The following TMEM163 variants were observed in gnomAD, a reference collection of about 807,000 sequenced individuals.
The protein encoded by TMEM163 is transmembrane protein 163.
TMEM163 carries 17 observed loss-of-function variants against 29.3 expected under a neutral mutation model. That is an observed-to-expected ratio of 0.58 (90% confidence interval 0.40 to 0.87). The LOEUF is 0.87. Ranked by LOEUF, TMEM163 falls within the 40% of genes least tolerant of loss-of-function variation. The pLI, the probability that TMEM163 is intolerant of heterozygous loss-of-function variation, is 0.00. For synonymous variants in TMEM163, 157 were observed against 160.6 expected (o/e 0.98, Z 0.17); for missense variants, 303 against 381.5 (o/e 0.79, Z 1.71).
intron 2 of TMEM163, among the ~76,000 whole-genome samples, chr2:134,700,491 T>C (rs1364076850): frequency 6.6e-6 from 1 of 152,222 alleles, no homozygotes; most frequent in East Asian, 1.9e-4. Flanking sequence ...TACTATATTT[T>C]TCATTACAAA....
At chr2:134,475,752 G>C (rs1686898675) in intron 5 of TMEM163, among the ~76,000 whole-genome samples, 1 of 151,992 alleles carries the variant, frequency 6.6e-6, no homozygotes, top group South Asian at 2.1e-4. Flanking sequence ...TTGGTCAACA[G>C]GGAAAAGTAC....
intron 5 of TMEM163, among the ~76,000 whole-genome samples, chr2:134,494,482 A>G (rs1473623534): frequency 2.0e-5 from 3 of 152,200 alleles, no homozygotes; most frequent in African/African-American, 4.8e-5. Flanking sequence ...GTTATGCTCA[A>G]GAAGGAACCT....
intron 4 of TMEM163, among the ~76,000 whole-genome samples, chr2:134,531,924 A>G (rs1574213107): frequency 6.6e-6 from 1 of 152,082 alleles, no homozygotes; most frequent in Non-Finnish European, 1.5e-5. Context: ...CAGGTGACCA[A>G]CCCCATCCTG....
chr2:134,645,971 T>A (rs1683326909), intron 2 of TMEM163, among the ~76,000 whole-genome samples: 1 of 152,190 alleles, frequency 6.6e-6, no homozygotes, highest in African/African-American at 2.4e-5. Flanking sequence ...GAAAGTAAAA[T>A]TTTTTTAAAG....
At chr2:134,529,252 G>A (rs747530660) in intron 4 of TMEM163, among the ~76,000 whole-genome samples, 1 of 152,046 alleles carries the variant, frequency 6.6e-6, no homozygotes, top group South Asian at 2.1e-4. Context: ...GATCACTTGC[G>A]CCCATGAGGC....
intron 6 of TMEM163, among the ~76,000 whole-genome samples, chr2:134,464,664 G>A (rs1686623553): frequency 6.6e-6 from 1 of 152,122 alleles, no homozygotes; most frequent in South Asian, 2.1e-4. Flanking sequence ...GAGGAGGAGT[G>A]GGAGCAGGCG....
At chr2:134,481,719 G>A (rs894271792) in intron 5 of TMEM163, among the ~76,000 whole-genome samples, 18 of 152,122 alleles carry the variant, frequency 1.2e-4, no homozygotes, top group Admixed American at 1.1e-3. Flanking sequence ...AAGCTGATGG[G>A]GTCTAATGCT....
intron 2 of TMEM163, among the ~76,000 whole-genome samples, chr2:134,656,576 G>A (rs375580827): frequency 6.6e-6 from 1 of 151,306 alleles, no homozygotes; most frequent in Non-Finnish European, 1.5e-5. Flanking sequence ...TCCTCCCCCC[G>A]CCTTCTATTT....
At chr2:134,553,623 C>G (rs16830788) in intron 2 of TMEM163, among the ~76,000 whole-genome samples, 24,294 of 152,132 alleles carry the variant, frequency 0.16, 4,691 homozygotes, top group African/African-American at 0.46. Flanking sequence ...TATTCAGGTC[C>G]TCAAACTGTG....
chr2:134,580,912 CA>C (rs1041793523), intron 2 of TMEM163, among the ~76,000 whole-genome samples: 5 of 151,748 alleles, frequency 3.3e-5, no homozygotes, highest in African/African-American at 2.4e-5. Flanking sequence ...GACTCTGCCT[CA>C]AAAAAAACCA....
At position 134,509,374 on chromosome 2, in the gene TMEM163, G is replaced by A. The variant is rs553972905; in HGVS notation, c.459-6377C>T. Among the ~76,000 whole-genome samples, 3 of 152,334 alleles carry A rather than the reference G, an allele frequency of 2.0e-5. No homozygotes were observed. The South Asian group carries it at 6.2e-4, about 32-fold the overall frequency. ...TGCCCAAGCCACTCCTCAAGATGGG[G>A]TCAATTTATGTGGACTAACAGGGAC... On this transcript the variant is annotated intron_variant, in intron 4 of 7. Transcript: ENST00000281924.
rs112002332 is a variant in TMEM163, at chr2:134,699,195, G to A, written c.322+14005C>T. Among the ~76,000 whole-genome samples, 32 of 152,234 alleles carry A rather than the reference G, an allele frequency of 2.1e-4. No homozygotes were observed. The East Asian group carries it at 3.3e-3, about 16-fold the overall frequency. On this transcript the variant is annotated intron_variant, in intron 2 of 7. Coordinates refer to ENST00000281924, the MANE Select transcript of TMEM163 (RefSeq NM_030923.5). Reference sequence around the variant, plus strand: ...TTTCTAGTACAAAAAATCACGTAGCGTATTATAATCAAAAGTGTTGTAGAG... The same window carrying A: ...TTTCTAGTACAAAAAATCACGTAGCATATTATAATCAAAAGTGTTGTAGAG...
intron 4 of TMEM163, among the ~76,000 whole-genome samples, chr2:134,541,763 T>G (rs1680674082): frequency 7.7e-6 from 1 of 130,396 alleles, no homozygotes; most frequent in Non-Finnish European, 1.5e-5. Context: ...TACGTGTGTG[T>G]ACACACGTGC....
intron 6 of TMEM163, 128 bp from the exon 7 acceptor site, chr2:134,458,301 G>T: frequency 8.8e-7 from 1 of 1,136,276 alleles, no homozygotes; most frequent in Non-Finnish European, 1.3e-6. Context: ...GCTCTCACGA[G>T]TGATAGCCAC....
At chr2:134,553,307 A>G (rs888411771) in intron 2 of TMEM163, among the ~76,000 whole-genome samples, 7 of 152,084 alleles carry the variant, frequency 4.6e-5, no homozygotes, top group Non-Finnish European at 8.8e-5. Context: ...TGTCCTCTCC[A>G]CAAGGTCCAG....
intron 4 of TMEM163, among the ~76,000 whole-genome samples, chr2:134,534,418 A>G (rs1680484467): frequency 6.6e-6 from 1 of 152,206 alleles, no homozygotes; most frequent in Non-Finnish European, 1.5e-5. Flanking sequence ...TGGAGTTTAC[A>G]TTCACTAACC....
At chr2:134,591,535 T>C (rs1364165055) in intron 2 of TMEM163, among the ~76,000 whole-genome samples, 2 of 152,210 alleles carry the variant, frequency 1.3e-5, no homozygotes, top group Non-Finnish European at 2.9e-5. Context: ...CCAGTAGGTT[T>C]CAGCCTCATT....
At chr2:134,666,811 G>A (rs1296035998) in intron 2 of TMEM163, among the ~76,000 whole-genome samples, 1 of 152,202 alleles carries the variant, frequency 6.6e-6, no homozygotes, top group Non-Finnish European at 1.5e-5. Flanking sequence ...GATTAAATGA[G>A]ATAATCCACA....
chr2:134,543,231 A>G (rs1456506862), intron 4 of TMEM163, among the ~76,000 whole-genome samples: 1 of 152,132 alleles, frequency 6.6e-6, no homozygotes, highest in Non-Finnish European at 1.5e-5. Flanking sequence ...CCTGGTCAGG[A>G]CAGTGGAGGG....
Sources: allele counts gnomAD v4.1 joint callset (sites outside exome capture counted in the v4.1 genomes callset), GRCh38; gene constraint gnomAD v4.1.1; transcripts MANE v1.5; gene names NCBI Gene and HGNC (gene_info 2026-07-23, HGNC 2026-07-21).